ADSS1: variants seen among roughly 807,000 people sequenced by gnomAD.
The protein encoded by ADSS1 is adenylosuccinate synthase 1.
ADSS1 carries 57 observed loss-of-function variants against 59.1 expected under a neutral mutation model. That is an observed-to-expected ratio of 0.97 (90% CI 0.78 to 1.20). The LOEUF is 1.20. Ranked by LOEUF, ADSS1 falls within the 50% of genes most tolerant of loss-of-function variation. ADSS1 has a pLI of 0.00. For synonymous variants in ADSS1, 247 were observed against 249.4 expected (o/e 0.99, Z 0.09); for missense variants, 603 against 610.3 (o/e 0.99, Z 0.13).
Position 104,742,975 on chromosome 14 carries a change from G to A in ADSS1, c.949-92G>A, listed in dbSNP as rs1891425345. ...GGCGGGGCACCCTCAGGGATTCTGA[G>A]AGCTGTGTGCAGGGAGGAGGGGGAG... On this transcript the variant is annotated intron_variant, in intron 9 of 12. Coordinates refer to ENST00000330877, the MANE Select transcript of ADSS1 (RefSeq NM_152328.5). 4 of 1,569,866 alleles carry A rather than the reference G, an allele frequency of 2.5e-6. No homozygotes were observed. In the Admixed American group the frequency reaches 5.1e-5, roughly 20 times the overall value.
chr14:104,732,113 C>G (rs913721028), intron 1 of ADSS1, among the ~76,000 whole-genome samples: 3 of 152,168 alleles, frequency 2.0e-5, no homozygotes, highest in African/African-American at 7.2e-5. Flanking sequence ...CGAGGCTGGC[C>G]CTGATGTTTG....
chr14:104,730,154 C>T lies in ADSS1; in HGVS notation c.193-4866C>T, dbSNP rs1309820084. The T allele has an allele frequency of 1.2e-5, 19 of 1,543,036 alleles. No individual in the cohort carries two copies. The highest frequency in any genetic ancestry group is 1.7e-5 in the Non-Finnish European group (19 of 1,142,398). On this transcript the variant is annotated intron_variant, in intron 1 of 12. Transcript: ENST00000330877. Reference sequence around the variant, plus strand: ...GAGCCACGGGTCAAATGCAGGAGGCCACACCTGCCTGCCCAGGAGGACTGC... The same window carrying T: ...GAGCCACGGGTCAAATGCAGGAGGCTACACCTGCCTGCCCAGGAGGACTGC...
chr14:104,740,073 A>AC lies in ADSS1; in HGVS notation c.476+259dup, dbSNP rs1891284477. 6.6e-6 allele frequency among the ~76,000 whole-genome samples: 1 copy of AC among 152,042 alleles called. No individual in the cohort carries two copies. Among genetic ancestry groups the AC allele is most frequent in the African/African-American group, 2.4e-5 (1 of 41,400 alleles). On this transcript the variant is annotated intron_variant, in intron 5 of 12. Transcript: ENST00000330877. The surrounding 1 kb of genome is among the most constrained non-coding windows in gnomAD (Gnocchi z 4.8). ...CTCCCCCCAGGAGTGCATAAGCCCT[A>AC]CCGTCACCTGTCACACCCACCACCT...
intron 12 of ADSS1, 83 bp from the exon 13 acceptor site, chr14:104,746,868 C>A: frequency 1.4e-6 from 2 of 1,424,854 alleles, no homozygotes; most frequent in Non-Finnish European, 2.0e-6. Context: ...TTGAACTACA[C>A]AGAAAGATAC....
At chr14:104,734,220 C>T (rs1228653833) in intron 1 of ADSS1, among the ~76,000 whole-genome samples, 1 of 152,208 alleles carries the variant, frequency 6.6e-6, no homozygotes, top group Non-Finnish European at 1.5e-5. Flanking sequence ...CACCAGCCCA[C>T]CTGCCCTGCA....
At chr14:104,738,478 C>T (rs1468329319) in intron 3 of ADSS1, 40 bp downstream of exon 3, 8 of 1,605,936 alleles carry the variant, frequency 5.0e-6, no homozygotes, top group East Asian at 2.2e-5. Flanking sequence ...GTCCCAGACG[C>T]GGTGCCCTGA....
At chr14:104,724,754 A>AG (rs1392438064) in intron 1 of ADSS1, among the ~76,000 whole-genome samples, 1 of 151,852 alleles carries the variant, frequency 6.6e-6, no homozygotes, top group Admixed American at 6.6e-5. Context: ...CCCGATCCTT[A>AG]GGGGGTGGCG....
chr14:104,733,425 C>A (rs1225812552), intron 1 of ADSS1, among the ~76,000 whole-genome samples: 1 of 152,218 alleles, frequency 6.6e-6, no homozygotes, highest in Non-Finnish European at 1.5e-5. Flanking sequence ...GATCTGCCCC[C>A]CCTCTGTCCC....
intron 2 of ADSS1, among the ~76,000 whole-genome samples, chr14:104,736,883 TATATATA>T (rs1260429769): frequency 0.027 from 1,212 of 44,136 alleles, 56 homozygotes; most frequent in African/African-American, 0.15. Context: ...ACCTAGCTGA[TATATATA>T]TATATATATA....
At position 104,746,963 on chromosome 14, in the gene ADSS1, G is replaced by A; in HGVS notation, c.1334G>A (p.Gly445Asp). The A allele has an allele frequency of 6.2e-7, 1 of 1,614,080 alleles. No homozygotes were observed. Among genetic ancestry groups the A allele is most frequent in the East Asian group, 2.2e-5 (1 of 44,888 alleles). The change falls in exon 13 of 13, where the codon GGT (glycine) becomes GAT (aspartate). Residue 445 changes from glycine to aspartate, a missense_variant. By Grantham distance (94) the Gly-to-Asp change is moderately conservative (BLOSUM62 -1). Coordinates refer to ENST00000330877, the MANE Select transcript of ADSS1 (RefSeq NM_152328.5). ...NHVGVAVKWV[G>D]VGKSRESMIQ... ...TCTGCTCTCTCAGTCAAATGGGTTG[G>A]TGTTGGCAAGTCAAGAGAGTCGATG... is the stretch of plus-strand genomic sequence containing the variant.
chr14:104,743,129 G>T lies in ADSS1; in HGVS notation c.1011G>T (p.Arg337Ser). ...GGGGAGTGACCACAGGCAGGAAGAG[G>T]CGCTGCGGCTGGCTCGACCTGATGA... ...HEWGVTTGRK[R>S]RCGWLDLMIL... is the part of the protein sequence containing the mutation. Residue 337 changes from arginine to serine, a missense_variant, in exon 10 of 13, where the codon AGG (arginine) becomes AGT (serine). Arg to Ser is a moderately radical substitution (Grantham distance 110, BLOSUM62 -1). Transcript: ENST00000330877. 1 of 1,613,032 alleles carries T rather than the reference G, an allele frequency of 6.2e-7. No homozygotes were observed. Among genetic ancestry groups the T allele is most frequent in the South Asian group, 1.1e-5 (1 of 91,082 alleles).
rs777617731 is a variant in ADSS1, at chr14:104,744,725, C to T, written c.1074-87C>T. ...GACTGGGGACCCCTGCTGTAAGTAA[C>T]AGAAGCGAGAGGTCAAAAGCAAGCG... is the stretch of plus-strand genomic sequence containing the variant. On this transcript the variant is annotated intron_variant, in intron 10 of 12. Transcript: ENST00000330877. The T allele has an allele frequency of 1.2e-5, 16 of 1,313,330 alleles. No homozygotes were observed. In the East Asian group the frequency reaches 1.9e-4, roughly 15 times the overall value. 81.4% of individuals were successfully genotyped at this position (1,313,330 alleles called of 1,614,324 possible). A position where few individuals can be genotyped will look rare whatever the true frequency, so the allele number is the denominator to read the frequency against.
intron 1 of ADSS1, among the ~76,000 whole-genome samples, chr14:104,731,426 A>G (rs1397991018): frequency 6.6e-6 from 1 of 152,202 alleles, no homozygotes; most frequent in Non-Finnish European, 1.5e-5. Context: ...TTGGCCATGC[A>G]GGGGGCTCCT....
chr14:104,729,895 G>C lies in ADSS1; in HGVS notation c.193-5125G>C, dbSNP rs150558753. 1 of 1,504,902 alleles carries C rather than the reference G, an allele frequency of 6.6e-7. No homozygotes were observed. Among genetic ancestry groups the C allele is most frequent in the Middle Eastern group, 2.1e-4 (1 of 4,846 alleles). The allele number at this position is 1,504,902 out of a possible 1,614,324, so 93.2% of individuals were successfully genotyped here. A position where few individuals can be genotyped will look rare whatever the true frequency, so the allele number is the denominator to read the frequency against. On this transcript the variant is annotated intron_variant, in intron 1 of 12. Transcript: ENST00000330877. ...GTGGGGAGGAGCGTGGCGTCGGCAT[G>C]GTGGGGAGGAGCTGTGGGGTGGCAA... is the stretch of plus-strand genomic sequence containing the variant.
At position 104,739,323 on chromosome 14, in the gene ADSS1, C is replaced by T. The variant is rs754299902; in HGVS notation, c.359-5C>T. The T allele has an allele frequency of 2.0e-5, 32 of 1,607,398 alleles. No individual in the cohort carries two copies. Among genetic ancestry groups the T allele is most frequent in the East Asian group, 1.6e-4 (7 of 44,658 alleles). On this transcript the variant is annotated splice_polypyrimidine_tract_variant and splice_region_variant and intron_variant, in intron 3 of 12. Transcript: ENST00000330877. ...CTGACCCACCTGTGTGCCGTGTCCC[C>T]GCAGGCCTGAAGGACTGGGAGAAGA... is the stretch of plus-strand genomic sequence containing the variant.
rs567040393 is a variant in ADSS1 at position 104,743,051 on chromosome 14, C to T, written c.949-16C>T. ...CCCACGACAGCTCACATGACGTCCT[C>T]CCTGTTCTCATGTAGGAGATTGGAG... is the stretch of plus-strand genomic sequence containing the variant. On this transcript the variant is annotated splice_polypyrimidine_tract_variant and intron_variant, in intron 9 of 12. Transcript: ENST00000330877. 13 of 1,612,588 alleles carry T rather than the reference C, an allele frequency of 8.1e-6. No individual in the cohort carries two copies. Among genetic ancestry groups the T allele is most frequent in the Non-Finnish European group, 1.1e-5 (13 of 1,179,902 alleles).
rs1262447626 is a variant in ADSS1 at position 104,740,636 on chromosome 14, A to G, written c.512A>G (p.Tyr171Cys). Residue 171 changes from tyrosine (Y) to cysteine (C), a missense_variant, in exon 6 of 13, where the codon TAC becomes TGC. By Grantham distance (194) the Tyr-to-Cys change is radical. Transcript: ENST00000330877. This position sits in a 1 kb window ranked among gnomAD's most constrained non-coding sequence, Gnocchi z 4.8. ...GTTKKGIGPTYSSKAARTGLR... is the reference protein window; with the variant it reads ...GTTKKGIGPTCSSKAARTGLR... Reference sequence around the variant, plus strand: ...ACCAAGAAGGGAATCGGACCAACCTACTCTTCCAAAGCTGCCCGGACAGGC... The same window carrying G: ...ACCAAGAAGGGAATCGGACCAACCTGCTCTTCCAAAGCTGCCCGGACAGGC... 6.2e-7 allele frequency: 1 copy of G among 1,611,998 alleles called. No individual in the cohort carries two copies.
At chr14:104,739,526 C>T (rs2140802764) in intron 4 of ADSS1, 148 bp downstream of exon 4, 1 of 1,021,460 alleles carries the variant, frequency 9.8e-7, no homozygotes, top group South Asian at 1.5e-5. Flanking sequence ...TTACCCTTTT[C>T]AAAGAGCTTC....
At position 104,738,377 on chromosome 14, in the gene ADSS1, C is replaced by A; in HGVS notation, c.297C>A (p.Gly99=). 1 of 1,613,840 alleles carries A rather than the reference C, an allele frequency of 6.2e-7. No individual in the cohort carries two copies. Among genetic ancestry groups the A allele is most frequent in the East Asian group, 2.2e-5 (1 of 44,872 alleles). ...CTCATGCCTCTGTCTCTCATGCAGG[C>A]AACGGGGTGGTCATCCACTTGCCAG... ...IINTKAVSFI[G]NGVVIHLPGL... The change falls in exon 3 of 13, where the codon GGC becomes GGA. Residue 99 remains glycine (G), a splice_region_variant and synonymous_variant. Coordinates refer to ENST00000330877, the MANE Select transcript of ADSS1 (RefSeq NM_152328.5).
Sources: allele counts gnomAD v4.1 joint callset (sites outside exome capture counted in the v4.1 genomes callset), GRCh38; gene constraint gnomAD v4.1.1; non-coding constraint Gnocchi (gnomAD v3.1); transcripts MANE v1.5; gene names NCBI Gene and HGNC (gene_info 2026-07-23, HGNC 2026-07-21).